Variants in STARD9 observed in about 807,000 individuals in gnomAD.
STARD9 encodes stAR-related lipid transfer protein 9.
Under a neutral mutation model 399.8 loss-of-function variants are expected in STARD9, and 346 were observed. That is an observed-to-expected ratio of 0.87 (90% confidence interval 0.79 to 0.95). The LOEUF (loss-of-function observed/expected upper bound fraction) is 0.95, where lower values mean the gene tolerates loss of function less well. Ranked by LOEUF, STARD9 falls within the 40% of genes least tolerant of loss-of-function variation. STARD9 has a pLI of 0.00. For synonymous variants in STARD9, 2,203 were observed against 2,143.5 expected (o/e 1.03, Z -0.77); for missense variants, 5,832 against 5,667.5 (o/e 1.03, Z -0.93).
rs115044157 is a variant in STARD9 at position 42,598,823 on chromosome 15, C to T, written c.234+13186C>T. Among the ~76,000 whole-genome samples the T allele has an allele frequency of 9.5e-3, 1,447 of 152,194 alleles. 25 individuals carry two copies. The highest frequency in any genetic ancestry group is 0.032 in the African/African-American group (1,308 of 41,522). ...GAGCTTACTTCTTCTAACACAGTAC[C>T]GTTTATTGAACACTCATTCTTTCTC... On this transcript the variant is annotated intron_variant, in intron 3 of 32. Coordinates refer to ENST00000290607, the MANE Select transcript of STARD9 (RefSeq NM_020759.3).
At chr15:42,694,916 G>A (rs2060808109) in intron 24 of STARD9, among the ~76,000 whole-genome samples, 191 bp downstream of exon 24, 1 of 152,198 alleles carries the variant, frequency 6.6e-6, no homozygotes, top group Admixed American at 6.5e-5. Context: ...ATGGACAGAA[G>A]GGCTCTGACA....
intron 3 of STARD9, among the ~76,000 whole-genome samples, chr15:42,634,472 T>C (rs2059384519): frequency 6.6e-6 from 1 of 152,240 alleles, no homozygotes; most frequent in Non-Finnish European, 1.5e-5. Flanking sequence ...TGTATGTTAT[T>C]GGGCAATATT....
rs1325848841 is a variant in STARD9, at chr15:42,686,306, C to G, written c.4728C>G (p.Phe1576Leu). The change falls in exon 23 of 33, where the codon TTC becomes TTG. Residue 1576 changes from phenylalanine to leucine, a missense_variant. This residue lies in a region of STARD9 where 5,828 missense variants were observed against 5,651.1 expected (regional missense o/e 1.03). Coordinates refer to ENST00000290607, the MANE Select transcript of STARD9 (RefSeq NM_020759.3). ...CCAAATTAGAAGGTGTTTCAGATTT[C>G]TTTAGCACTAGTGAGAAAGAGGCGA... is the stretch of plus-strand genomic sequence containing the variant. ...LNAKLEGVSD[F>L]FSTSEKEASY... The G allele has an allele frequency of 6.5e-7, 1 of 1,537,436 alleles. No homozygotes were observed. The highest frequency in any genetic ancestry group is 8.7e-7 in the Non-Finnish European group (1 of 1,146,982).
chr15:42,661,253 A>T (rs2059987977), intron 10 of STARD9, 28 bp downstream of exon 10: 3 of 1,458,376 alleles, frequency 2.1e-6, no homozygotes, highest in Non-Finnish European at 2.8e-6. Context: ...GCTAAGGGGA[A>T]TTACTCTTGT....
At position 42,611,743 on chromosome 15, in the gene STARD9, A is replaced by T. The variant is rs556503870; in HGVS notation, c.235-23113A>T. On this transcript the variant is annotated intron_variant, in intron 3 of 32. Coordinates refer to ENST00000290607, the MANE Select transcript of STARD9 (RefSeq NM_020759.3). ...TGTATTAGGGCTTTTTCAGGATACA[A>T]GGACGAGGGGTGATTAGGTTATCTC... Among the ~76,000 whole-genome samples the T allele has an allele frequency of 6.4e-4, 97 of 152,304 alleles. 1 individual carries two copies. Among genetic ancestry groups the T allele is most frequent in the Admixed American group, 1.4e-3 (22 of 15,292 alleles).
rs1163104346 is a variant in STARD9, at chr15:42,686,167, C to T, written c.4589C>T (p.Thr1530Ile). 2.0e-5 allele frequency: 31 copies of T among 1,537,330 alleles called. No homozygotes were observed. Among genetic ancestry groups the T allele is most frequent in the Admixed American group, 3.9e-5 (2 of 50,986 alleles). Residue 1530 changes from threonine to isoleucine, a missense_variant, in exon 23 of 33, where the codon ACT becomes ATT. Coordinates refer to ENST00000290607, the MANE Select transcript of STARD9 (RefSeq NM_020759.3). ...LAQASSKGGD[T>I]LLPVGPRVSS... The stretch of plus-strand genomic sequence containing the variant: ...CAAGCTTCTAGCAAAGGAGGAGATA[C>T]TCTATTGCCAGTTGGCCCTAGGGTA...
At chr15:42,580,000 A>G (rs990363715) in intron 1 of STARD9, among the ~76,000 whole-genome samples, 2 of 152,196 alleles carry the variant, frequency 1.3e-5, no homozygotes, top group African/African-American at 4.8e-5. Flanking sequence ...TTGAAGTACA[A>G]GAGGACTCTG....
At chr15:42,644,802 C>T (rs1221421193) in intron 7 of STARD9, among the ~76,000 whole-genome samples, 1 of 152,182 alleles carries the variant, frequency 6.6e-6, no homozygotes, top group Non-Finnish European at 1.5e-5. Flanking sequence ...TGGAGTCAGT[C>T]CTCTTAAATC....
intron 26 of STARD9, among the ~76,000 whole-genome samples, chr15:42,712,706 T>G (rs2061270078): frequency 6.6e-6 from 1 of 152,062 alleles, no homozygotes; most frequent in Admixed American, 6.6e-5. Flanking sequence ...ACCACACTTT[T>G]TGTGTGTGTG....
intron 15 of STARD9, among the ~76,000 whole-genome samples, chr15:42,668,549 A>G (rs1468788084): frequency 6.6e-6 from 1 of 151,326 alleles, no homozygotes; most frequent in Non-Finnish European, 1.5e-5. Context: ...ACTTTTAAAA[A>G]CTCTGTTCCT....
chr15:42,686,028 T>G lies in STARD9; in HGVS notation c.4450T>G (p.Trp1484Gly). The G allele has an allele frequency of 6.5e-7, 1 of 1,537,360 alleles. No homozygotes were observed. Among genetic ancestry groups the G allele is most frequent in the Non-Finnish European group, 8.7e-7 (1 of 1,146,930 alleles). ...THVGSTHERD[W>G]SALQQKYLLE... ...TGTAGGCAGCACCCATGAAAGGGAT[T>G]GGTCTGCCCTTCAGCAGAAGTACCT... The change falls in exon 23 of 33, where the codon TGG becomes GGG. Residue 1484 changes from tryptophan (W) to glycine (G), a missense_variant. By Grantham distance (184) the Trp-to-Gly change is radical. This residue lies in a region of STARD9 where 5,828 missense variants were observed against 5,651.1 expected (regional missense o/e 1.03). Coordinates refer to ENST00000290607, the MANE Select transcript of STARD9 (RefSeq NM_020759.3).
At chr15:42,629,553 A>G (rs140017728) in intron 3 of STARD9, among the ~76,000 whole-genome samples, 247 of 152,336 alleles carry the variant, frequency 1.6e-3, no homozygotes, top group Non-Finnish European at 5.1e-4. Flanking sequence ...CAAATATATC[A>G]TCTGCAAACA....
At chr15:42,717,120 G>C (rs1326510681) in intron 28 of STARD9, 72 bp downstream of exon 28, 5 of 1,506,628 alleles carry the variant, frequency 3.3e-6, no homozygotes, top group Non-Finnish European at 3.6e-6. Context: ...GGAAGAGAAA[G>C]TAGGAAAAAA....
In STARD9 at chr15:42,691,668, A is replaced by C. The variant is rs2060707111; in HGVS notation, c.10090A>C (p.Arg3364=). The C allele has an allele frequency of 6.5e-7, 1 of 1,537,114 alleles. No homozygotes were observed. The highest frequency in any genetic ancestry group is 8.7e-7 in the Non-Finnish European group (1 of 1,146,908). ...TAACAGATTGTGGAACCCACATCTC[A>C]GGGGCTATTCCTCAGGAAAGTCAGT... The part of the protein sequence containing the change: ...GPNRLWNPHL[R]GYSSGKSVAR... The change falls in exon 23 of 33, where the codon AGG becomes CGG. Residue 3364 remains arginine (R), a synonymous_variant. Transcript: ENST00000290607.
Position 42,652,553 on chromosome 15 carries a change from C to T in STARD9, c.663C>T (p.Ser221=). 2 of 1,537,462 alleles carry T rather than the reference C, an allele frequency of 1.3e-6. No individual in the cohort carries two copies. The highest frequency in any genetic ancestry group is 1.2e-5 in the South Asian group (1 of 84,064). Residue 221 remains serine, a synonymous_variant, in exon 9 of 33, where the codon AGC becomes AGT. Coordinates refer to ENST00000290607, the MANE Select transcript of STARD9 (RefSeq NM_020759.3). Reference sequence around the variant, plus strand: ...CAGCCACCCATGTTCATGAGGCCAGCAGCAGATCCCACGCCATTTTCACGA... The same window carrying T: ...CAGCCACCCATGTTCATGAGGCCAGTAGCAGATCCCACGCCATTTTCACGA... The part of the protein sequence containing the change: ...ITAATHVHEA[S]SRSHAIFTIH...
chr15:42,623,016 C>T (rs1337418619), intron 3 of STARD9, among the ~76,000 whole-genome samples: 2 of 152,122 alleles, frequency 1.3e-5, no homozygotes, highest in African/African-American at 4.8e-5. Context: ...CTTTGGGAGG[C>T]GGAAGCAGGC....
Position 42,691,968 on chromosome 15 carries a change from A to G in STARD9, c.10390A>G (p.Ser3464Gly), listed in dbSNP as rs762993082. Residue 3464 changes from serine to glycine, a missense_variant, in exon 23 of 33, where the codon AGT becomes GGT. Physicochemically the swap from Ser to Gly is moderately conservative, Grantham distance 56. Around this residue, in one of 2 missense-constraint regions of STARD9, gnomAD observed 5,828 missense variants for 5,651.1 expected, o/e 1.03. Transcript: ENST00000290607. ...CAAAGGAATGCTGCACTTTGGCTCC[A>G]GTGACATCAGTCCCTATGCGCTGCC... ...MDKGMLHFGS[S>G]DISPYALPWR... is the part of the protein sequence containing the mutation. 6 of 1,537,278 alleles carry G rather than the reference A, an allele frequency of 3.9e-6. No homozygotes were observed. In the South Asian group the frequency reaches 7.1e-5, roughly 18 times the overall value.
chr15:42,689,250 G>A lies in STARD9; in HGVS notation c.7672G>A (p.Ala2558Thr). Residue 2558 changes from alanine (A) to threonine (T), a missense_variant, in exon 23 of 33, where the codon GCA becomes ACA. Ala to Thr is a moderately conservative substitution (Grantham distance 58). This residue lies in a region of STARD9 where 5,828 missense variants were observed against 5,651.1 expected (regional missense o/e 1.03). Transcript: ENST00000290607. Reference protein sequence around the residue: ...CLAILEEIRQAKAQRKQLHDF... With the variant: ...CLAILEEIRQTKAQRKQLHDF... ...GGCCATCTTGGAGGAGATCAGACAG[G>A]CAAAGGCCCAGAGAAAGCAGCTTCA... 2 of 1,537,282 alleles carry A rather than the reference G, an allele frequency of 1.3e-6. No homozygotes were observed. The highest frequency in any genetic ancestry group is 1.7e-6 in the Non-Finnish European group (2 of 1,146,914).
chr15:42,619,404 A>G (rs934305930), intron 3 of STARD9, among the ~76,000 whole-genome samples: 2 of 152,124 alleles, frequency 1.3e-5, no homozygotes, highest in Non-Finnish European at 2.9e-5. Context: ...TCTACAAAAA[A>G]TTAAAAAAAA....
Sources: allele counts gnomAD v4.1 joint callset (sites outside exome capture counted in the v4.1 genomes callset), GRCh38; gene constraint gnomAD v4.1.1; regional missense constraint gnomAD v4.1.1; transcripts MANE v1.5; gene names NCBI Gene and HGNC (gene_info 2026-07-23, HGNC 2026-07-21).